The following MEOX1 variants were observed in gnomAD, a reference collection of about 807,000 sequenced individuals.
MEOX1 encodes the protein mesenchyme homeobox 1, also known as homeobox protein MOX-1.
In MEOX1, 17 loss-of-function variants were observed where a neutral mutation model predicts 23.2. The ratio of observed to expected loss-of-function variants is 0.73; its 90% confidence interval spans 0.50 to 1.10. The LOEUF (loss-of-function observed/expected upper bound fraction) is 1.10. MEOX1 is among the 50% of genes least tolerant of loss of function. The pLI, the probability that MEOX1 is intolerant of heterozygous loss-of-function variation, is 0.00. For synonymous variants in MEOX1, 134 were observed against 135.1 expected, an observed-to-expected ratio of 0.99 and a Z score of 0.06; for missense variants, 333 against 332.2, an observed-to-expected ratio of 1.00 and a Z score of -0.02.
intron 1 of MEOX1, among the ~76,000 whole-genome samples, chr17:43,644,766 A>T (rs574315601): frequency 2.1e-4 from 32 of 152,334 alleles, no homozygotes; most frequent in Admixed American, 1.2e-3. Context: ...AATACAAAAA[A>T]TTAGCTGGGC....
chr17:43,653,754 C>T (rs931433694), intron 1 of MEOX1, among the ~76,000 whole-genome samples: 1 of 151,768 alleles, frequency 6.6e-6, no homozygotes, highest in Admixed American at 6.6e-5. Context: ...ATGATCCGCC[C>T]ACCTCGGCCT....
Position 43,640,978 on chromosome 17 carries a change from A to C in MEOX1, c.*932T>G, listed in dbSNP as rs1972682489. 2 of 152,032 alleles carry C rather than the reference A, an allele frequency of 1.3e-5. No homozygotes were observed. Among genetic ancestry groups the C allele is most frequent in the African/African-American group, 4.8e-5 (2 of 41,374 alleles). 9.4% of individuals were successfully genotyped at this position (152,032 alleles called of 1,614,324 possible). ...TTATCTCCCCTCCCCTCCAGAATGC[A>C]GGGGACACTTTCCAGCCTCTACGTT... is the stretch of plus-strand genomic sequence containing the variant. On this transcript the variant is annotated 3_prime_UTR_variant, in exon 3 of 3. Coordinates refer to ENST00000318579, the MANE Select transcript of MEOX1 (RefSeq NM_004527.4).
intron 1 of MEOX1, among the ~76,000 whole-genome samples, chr17:43,647,061 G>A (rs1972827832): frequency 6.6e-6 from 1 of 152,230 alleles, no homozygotes; most frequent in African/African-American, 2.4e-5. Flanking sequence ...TGCCATTGAA[G>A]GGCTGGGATA....
In MEOX1 at chr17:43,647,422, C is replaced by T. The variant is rs373546925; in HGVS notation, c.470-3762G>A. Among the ~76,000 whole-genome samples, 153 of 152,296 alleles carry T rather than the reference C, an allele frequency of 1.0e-3. 3 individuals carry two copies. In the South Asian group the frequency reaches 0.031, roughly 31 times the overall value. On this transcript the variant is annotated intron_variant, in intron 1 of 2. Transcript: ENST00000318579. ...CCTCAGACAGGCCCAGGAAATTGCC[C>T]AGTGTGCCTGACAGCTTTTAGGTGA...
intron 1 of MEOX1, among the ~76,000 whole-genome samples, chr17:43,658,773 T>A (rs1225505641): frequency 6.6e-6 from 1 of 152,028 alleles, no homozygotes; most frequent in Non-Finnish European, 1.5e-5. Context: ...TTCCTCCCCT[T>A]CAGTTAAATT....
At chr17:43,656,129 G>A (rs555147709) in intron 1 of MEOX1, among the ~76,000 whole-genome samples, 5 of 152,284 alleles carry the variant, frequency 3.3e-5, no homozygotes, top group African/African-American at 9.6e-5. Context: ...ACTAGACTTC[G>A]ACATTTCTTA....
chr17:43,648,466 CAAA>C (rs67553599), intron 1 of MEOX1, among the ~76,000 whole-genome samples: 10 of 107,472 alleles, frequency 9.3e-5, no homozygotes, highest in Non-Finnish European at 1.2e-4. Flanking sequence ...GACTCTGTCT[CAAA>C]AAAAAAAAAA....
chr17:43,651,388 G>A lies in MEOX1; in HGVS notation c.470-7728C>T, dbSNP rs138569018. Among the ~76,000 whole-genome samples, 915 of 152,164 alleles carry A rather than the reference G, an allele frequency of 6.0e-3. 5 individuals are homozygous for A. Among genetic ancestry groups the A allele is most frequent in the Non-Finnish European group, 9.5e-3 (648 of 68,002 alleles). On this transcript the variant is annotated intron_variant, in intron 1 of 2. Transcript: ENST00000318579. ...CGGGGTGGGTTGGTGAGGGGGAAGCGCAGCAGCTTTCAAGAGGGGATGGGG... is the reference window on the plus strand; with the variant it reads ...CGGGGTGGGTTGGTGAGGGGGAAGCACAGCAGCTTTCAAGAGGGGATGGGG...
intron 1 of MEOX1, among the ~76,000 whole-genome samples, chr17:43,644,291 G>T (rs548770470): frequency 2.0e-5 from 3 of 152,342 alleles, no homozygotes; most frequent in African/African-American, 7.2e-5. Flanking sequence ...TCTCAGGCCT[G>T]CCCCAGACCT....
rs8066543 is a variant in MEOX1 at position 43,641,772 on chromosome 17, C to A, written c.*138G>T. The A allele has an allele frequency of 3.3e-4, 284 of 868,618 alleles. No individual in the cohort carries two copies. In the African/African-American group the frequency reaches 4.5e-3, roughly 14 times the overall value. 53.8% of individuals were successfully genotyped at this position (868,618 alleles called of 1,614,324 possible). A position where few individuals can be genotyped will look rare whatever the true frequency, so the allele number is the denominator to read the frequency against. On this transcript the variant is annotated 3_prime_UTR_variant, in exon 3 of 3. Coordinates refer to ENST00000318579, the MANE Select transcript of MEOX1 (RefSeq NM_004527.4). ...TCCTAAGACTCCCAGGAATGCTGGG[C>A]AGTTTCATATCCAAGAGTCAGGGAA... is the stretch of plus-strand genomic sequence containing the variant.
intron 1 of MEOX1, among the ~76,000 whole-genome samples, chr17:43,652,309 G>A (rs1216794497): frequency 1.3e-5 from 2 of 152,126 alleles, no homozygotes; most frequent in Non-Finnish European, 2.9e-5. Context: ...GTCAGAGTCA[G>A]GCAGGCCCGG....
rs1218297904 is a variant in MEOX1, at chr17:43,661,468, G to A, written c.67C>T (p.Arg23Ter). 5.0e-6 allele frequency: 8 copies of A among 1,609,576 alleles called. No homozygotes were observed. Among genetic ancestry groups the A allele is most frequent in the South Asian group, 3.3e-5 (3 of 90,330 alleles). The change falls in exon 1 of 3, where the codon CGA becomes TGA. Residue 23 changes from arginine (R) to a stop codon, truncating the protein, a stop_gained. Coordinates refer to ENST00000318579, the MANE Select transcript of MEOX1 (RefSeq NM_004527.4). LOFTEE classifies it high-confidence loss of function. ...CCATTGCCTTCCGAGTGGGGGTTTC[G>A]AAGGCAGCCCCAGACAGGGGCTGGG... ...QPPAPVWGCL[R>*]NPHSEGNGAS...
Position 43,661,373 on chromosome 17 carries a change from T to C in MEOX1, c.162A>G (p.Thr54=). 6.3e-7 allele frequency: 1 copy of C among 1,593,980 alleles called. No homozygotes were observed. The highest frequency in any genetic ancestry group is 8.5e-7 in the Non-Finnish European group (1 of 1,170,018). ...AGAAGTCAGGGTACGCTGCCGTCGCTGTCGCCAGGAAGTCTGGTTTCTGGT... is the reference window on the plus strand; with the variant it reads ...AGAAGTCAGGGTACGCTGCCGTCGCCGTCGCCAGGAAGTCTGGTTTCTGGT... ...SFHQKPDFLA[T]ATAAYPDFSA... Residue 54 remains threonine, a synonymous_variant, in exon 1 of 3, where the codon ACA becomes ACG. Transcript: ENST00000318579.
rs549020930 is a variant in MEOX1, at chr17:43,661,827, C to A, written c.-293G>T. On this transcript the variant is annotated 5_prime_UTR_variant, in exon 1 of 3. Transcript: ENST00000318579. ...TGGGATCCCCTGTATGTGTATTTGT[C>A]GCCAATGACACTAAACATTTTCACT... 6.4e-5 allele frequency: 21 copies of A among 326,754 alleles called. No individual in the cohort carries two copies. The South Asian group carries it at 1.4e-3, about 21-fold the overall frequency. 20.2% of individuals were successfully genotyped at this position (326,754 alleles called of 1,614,324 possible). A position where few individuals can be genotyped will look rare whatever the true frequency, so the allele number is the denominator to read the frequency against.
At chr17:43,660,105 C>T (rs537036525) in intron 1 of MEOX1, among the ~76,000 whole-genome samples, 6 of 152,318 alleles carry the variant, frequency 3.9e-5, no homozygotes, top group South Asian at 2.1e-4. Flanking sequence ...CAGGGCAGCA[C>T]GGGCAGGAGG....
At position 43,642,011 on chromosome 17, in the gene MEOX1, G is replaced by A. The variant is rs772798486; in HGVS notation, c.664C>T (p.Arg222Ter). The A allele has an allele frequency of 2.5e-6, 4 of 1,613,844 alleles. No individual in the cohort carries two copies. The highest frequency in any genetic ancestry group is 3.4e-6 in the Non-Finnish European group (4 of 1,179,872). ...TTCACACGCTTCCACTTCATCCTTCGGTTCTGGAACCACACTTTGACCTGG... is the reference window on the plus strand; with the variant it reads ...TTCACACGCTTCCACTTCATCCTTCAGTTCTGGAACCACACTTTGACCTGG... ...ERQVKVWFQN[R>*]RMKWKRVKGG... The change falls in exon 3 of 3, where the codon CGA (arginine) becomes TGA (stop). Residue 222 changes from arginine (R) to a stop codon, truncating the protein, a stop_gained. Coordinates refer to ENST00000318579, the MANE Select transcript of MEOX1 (RefSeq NM_004527.4). LOFTEE classifies it high-confidence loss of function.
chr17:43,649,459 G>A (rs944252569), intron 1 of MEOX1, among the ~76,000 whole-genome samples: 4 of 152,110 alleles, frequency 2.6e-5, no homozygotes, highest in Admixed American at 2.6e-4. Context: ...GGTGCCTGCC[G>A]CCACACTAGG....
At position 43,661,591 on chromosome 17, in the gene MEOX1, T is replaced by G; in HGVS notation, c.-57A>C. 1 of 1,019,092 alleles carries G rather than the reference T, an allele frequency of 9.8e-7. No individual in the cohort carries two copies. Among genetic ancestry groups the G allele is most frequent in the South Asian group, 4.0e-5 (1 of 24,826 alleles). 63.1% of individuals were successfully genotyped at this position (1,019,092 alleles called of 1,614,324 possible). On this transcript the variant is annotated 5_prime_UTR_variant, in exon 1 of 3. Coordinates refer to ENST00000318579, the MANE Select transcript of MEOX1 (RefSeq NM_004527.4). ...AAGATTTGATTCTTTATACTTTTTA[T>G]GTTCAAATTTTTAAAAATGCAAAAG...
At chr17:43,658,252 G>A (rs1038328380) in intron 1 of MEOX1, among the ~76,000 whole-genome samples, 3 of 152,190 alleles carry the variant, frequency 2.0e-5, no homozygotes, top group Admixed American at 6.5e-5. Flanking sequence ...GCACGGTGGC[G>A]CATGCCAGCA....
Sources: allele counts gnomAD v4.1 joint callset (sites outside exome capture counted in the v4.1 genomes callset), GRCh38; gene constraint gnomAD v4.1.1; transcripts MANE v1.5; gene names NCBI Gene and HGNC (gene_info 2026-07-23, HGNC 2026-07-21).